The following PHIP variants were observed in gnomAD, a reference collection of about 807,000 sequenced individuals.
PHIP encodes PHIP subunit of CUL4-Ring ligase complex, also known as PH-interacting protein.
PHIP carries 54 observed loss-of-function variants against 236.8 expected under a neutral mutation model. That is an observed-to-expected ratio of 0.23 (90% CI 0.18 to 0.29). PHIP has a LOEUF of 0.29. Ranked by LOEUF, PHIP falls within the 10% of genes least tolerant of loss-of-function variation. PHIP has a pLI of 1.00. For synonymous variants in PHIP, 756 were observed against 718.9 expected (o/e 1.05, Z -0.83); for missense variants, 1,370 against 2,190.8 (o/e 0.63, Z 7.48).
In PHIP at chr6:78,955,612, C is replaced by A; in HGVS notation, c.3852+1G>T. Reference sequence around the variant, plus strand: ...GGTAATAATAATGAAATATTACATACCTCAGAATCAGACAAAACTTTCTTC... The same window carrying A: ...GGTAATAATAATGAAATATTACATAACTCAGAATCAGACAAAACTTTCTTC... On this transcript the variant is annotated splice_donor_variant, in intron 33 of 39. Transcript: ENST00000275034. LOFTEE classifies it high-confidence loss of function. The A allele has an allele frequency of 1.1e-6, 1 of 924,966 alleles. No individual in the cohort carries two copies. Among genetic ancestry groups the A allele is most frequent in the South Asian group, 1.5e-5 (1 of 66,800 alleles). 57.3% of individuals were successfully genotyped at this position (924,966 alleles called of 1,614,324 possible).
intron 39 of PHIP, 127 bp from the exon 40 acceptor site, chr6:78,941,457 G>T (rs1773496994): frequency 1.8e-6 from 1 of 569,212 alleles, no homozygotes; most frequent in Non-Finnish European, 3.0e-6. Context: ...TTATTAAAAT[G>T]AGAAAAAAGA....
intron 10 of PHIP, among the ~76,000 whole-genome samples, chr6:79,018,166 TGC>T (rs937499041): frequency 6.6e-6 from 1 of 151,934 alleles, no homozygotes; most frequent in Non-Finnish European, 1.5e-5. Flanking sequence ...TAAGTACTTT[TGC>T]TAAATGATCT....
chr6:79,018,025 G>C (rs1328590759), intron 10 of PHIP, among the ~76,000 whole-genome samples: 1 of 151,812 alleles, frequency 6.6e-6, no homozygotes, highest in Non-Finnish European at 1.5e-5. Flanking sequence ...GCTCTCTTCA[G>C]AACTCCCCTA....
intron 9 of PHIP, among the ~76,000 whole-genome samples, chr6:79,022,582 C>T (rs982207830): frequency 6.6e-6 from 1 of 152,116 alleles, no homozygotes; most frequent in African/African-American, 2.4e-5. Context: ...TTAGTACTAG[C>T]TTGGCAGACT....
At position 78,937,518 on chromosome 6, in the gene PHIP, ATAAC is replaced by A. The variant is rs1204297866; in HGVS notation, c.*3171_*3174del. 3 of 151,746 alleles carry A rather than the reference ATAAC, an allele frequency of 2.0e-5. No homozygotes were observed. Among genetic ancestry groups the A allele is most frequent in the African/African-American group, 7.2e-5 (3 of 41,430 alleles). 9.4% of individuals were successfully genotyped at this position (151,746 alleles called of 1,614,324 possible). ...ATCTTATGTAATTCATTTCCAAGTG[ATAAC>A]TAAATTTAGTCAATCCCAAGTCTCA... On this transcript the variant is annotated 3_prime_UTR_variant, in exon 40 of 40. Coordinates refer to ENST00000275034, the MANE Select transcript of PHIP (RefSeq NM_017934.7).
intron 21 of PHIP, among the ~76,000 whole-genome samples, chr6:78,987,159 T>C (rs1439040522): frequency 1.3e-5 from 2 of 152,140 alleles, no homozygotes; most frequent in Non-Finnish European, 2.9e-5. Flanking sequence ...TTGTAACAGA[T>C]GTGTTTCTGG....
At chr6:79,025,438 T>C in intron 9 of PHIP, 81 bp downstream of exon 9, 1 of 764,624 alleles carries the variant, frequency 1.3e-6, no homozygotes. Context: ...AATGTATTCC[T>C]ATTGTCGACT....
In PHIP at chr6:78,998,300, T is replaced by A; in HGVS notation, c.1971A>T (p.Arg657Ser). 1 of 1,611,422 alleles carries A rather than the reference T, an allele frequency of 6.2e-7. No homozygotes were observed. Among genetic ancestry groups the A allele is most frequent in the Non-Finnish European group, 8.5e-7 (1 of 1,177,584 alleles). ...IQRLQQEQDL[R>S]RSGEAVISNT... ...TACTGATAACTGCTTCACCAGAACG[T>A]CTCAGGTCTTGCTCCTGTTGTAGTC... The change falls in exon 18 of 40, where the codon AGA becomes AGT. Residue 657 changes from arginine (R) to serine (S), a missense_variant. By Grantham distance (110) the Arg-to-Ser change is moderately radical (BLOSUM62 -1). This residue lies in a region of PHIP where 133 missense variants were observed against 245.2 expected (regional missense o/e 0.54). Coordinates refer to ENST00000275034, the MANE Select transcript of PHIP (RefSeq NM_017934.7).
In PHIP at chr6:78,994,347, G is replaced by A. The variant is rs181800258; in HGVS notation, c.2201+3067C>T. On this transcript the variant is annotated intron_variant, in intron 19 of 39. Coordinates refer to ENST00000275034, the MANE Select transcript of PHIP (RefSeq NM_017934.7). ...AATCTCAGCACTTTGGGAGGCTGAA[G>A]TGGGCAGATCACAAGGTCAGGAGAT... Among the ~76,000 whole-genome samples, 97 of 152,340 alleles carry A rather than the reference G, an allele frequency of 6.4e-4. 1 individual carries two copies. The South Asian group carries it at 8.1e-3, about 13-fold the overall frequency.
chr6:78,950,370 A>C (rs1405370010), intron 35 of PHIP, among the ~76,000 whole-genome samples: 1 of 152,132 alleles, frequency 6.6e-6, no homozygotes, highest in East Asian at 1.9e-4. Flanking sequence ...TCATAGAGTG[A>C]GTTGGGAATT....
At chr6:79,050,520 T>C (rs1330469268) in intron 6 of PHIP, among the ~76,000 whole-genome samples, 2 of 152,132 alleles carry the variant, frequency 1.3e-5, no homozygotes, top group African/African-American at 2.4e-5. Context: ...AAAGAAAGAC[T>C]GAAAGAAAAC....
At chr6:79,075,439 C>T (rs1172939356) in intron 4 of PHIP, among the ~76,000 whole-genome samples, 1 of 151,952 alleles carries the variant, frequency 6.6e-6, no homozygotes, top group Non-Finnish European at 1.5e-5. Context: ...GGAGAAAACT[C>T]CAAGCAAGAA....
At chr6:78,980,072 G>T (rs1028177986) in intron 23 of PHIP, among the ~76,000 whole-genome samples, 2 of 151,928 alleles carry the variant, frequency 1.3e-5, no homozygotes, top group Non-Finnish European at 2.9e-5. Context: ...AGCATAGTAC[G>T]ATCTCACTTA....
chr6:79,052,605 G>C (rs975323437), intron 6 of PHIP, among the ~76,000 whole-genome samples: 2 of 152,140 alleles, frequency 1.3e-5, no homozygotes, highest in African/African-American at 2.4e-5. Flanking sequence ...AAGGATATAA[G>C]TAAAAGCAAA....
chr6:79,000,478 T>C (rs1769912000), intron 17 of PHIP, among the ~76,000 whole-genome samples: 1 of 152,064 alleles, frequency 6.6e-6, no homozygotes, highest in African/African-American at 2.4e-5. Flanking sequence ...GGATTAAATA[T>C]TGTTTATGAA....
At chr6:79,063,964 C>T (rs1013812159) in intron 4 of PHIP, among the ~76,000 whole-genome samples, 5 of 152,016 alleles carry the variant, frequency 3.3e-5, no homozygotes, top group Admixed American at 6.6e-5. Context: ...CCTCTCTTTC[C>T]CAAGAATCCT....
At chr6:79,001,855 G>A in intron 17 of PHIP, 44 bp downstream of exon 17, 3 of 1,275,822 alleles carry the variant, frequency 2.4e-6, no homozygotes, top group East Asian at 2.3e-5. Context: ...TAACAGTTCG[G>A]TGGGAAGAAG....
chr6:79,032,452 G>T (rs916154555), intron 7 of PHIP, among the ~76,000 whole-genome samples: 1 of 152,168 alleles, frequency 6.6e-6, no homozygotes, highest in Non-Finnish European at 1.5e-5. Context: ...TCATGTAATA[G>T]TCCACATCCT....
intron 9 of PHIP, among the ~76,000 whole-genome samples, chr6:79,021,889 A>G (rs1771133159): frequency 6.6e-6 from 1 of 152,176 alleles, no homozygotes; most frequent in Non-Finnish European, 1.5e-5. Flanking sequence ...ATAATTTGTA[A>G]TACAAAGGAT....
Sources: gnomAD v4.1 joint callset for allele counts (sites outside exome capture counted in the v4.1 genomes callset) on GRCh38, gnomAD v4.1.1 for gene constraint, gnomAD v4.1.1 regional missense constraint, MANE v1.5 for transcripts, NCBI Gene and HGNC (gene_info 2026-07-23, HGNC 2026-07-21) for gene names.